ZNF618: variants seen among roughly 807,000 people sequenced by gnomAD.
The protein encoded by ZNF618 is zinc finger protein 618.
Under a neutral mutation model 103.0 loss-of-function variants are expected in ZNF618, and 34 were observed. The ratio of observed to expected loss-of-function variants is 0.33; its 90% CI spans 0.25 to 0.44. The LOEUF (loss-of-function observed/expected upper bound fraction) is 0.44. Ranked by LOEUF, ZNF618 falls within the 20% of genes least tolerant of loss-of-function variation. ZNF618 has a pLI of 1.00. For synonymous variants in ZNF618, 551 were observed against 542.2 expected, an observed-to-expected ratio of 1.02 and a Z score of -0.23; for missense variants, 1,059 against 1,295.4, an observed-to-expected ratio of 0.82 and a Z score of 2.80.
Position 114,049,225 on chromosome 9 carries a change from C to T in ZNF618, c.1923C>T (p.Asn641=). The change falls in exon 15 of 15, where the codon AAC becomes AAT. Residue 641 remains asparagine, a synonymous_variant. Coordinates refer to ENST00000374126, the MANE Select transcript of ZNF618 (RefSeq NM_001318042.2). ...MCLRCSACAL[N]SVVQSVLSKR... is the part of the protein sequence containing the mutation. Reference sequence around the variant, plus strand: ...TTCGCTGCTCAGCCTGTGCCTTGAACTCGGTGGTGCAGAGCGTGCTGAGCA... The same window carrying T: ...TTCGCTGCTCAGCCTGTGCCTTGAATTCGGTGGTGCAGAGCGTGCTGAGCA... 4 of 1,613,496 alleles carry T rather than the reference C, an allele frequency of 2.5e-6. No homozygotes were observed. The highest frequency in any genetic ancestry group is 3.4e-6 in the Non-Finnish European group (4 of 1,179,780).
At chr9:114,038,754 G>T (rs1010487730) in intron 13 of ZNF618, among the ~76,000 whole-genome samples, 2 of 152,132 alleles carry the variant, frequency 1.3e-5, no homozygotes, top group Admixed American at 6.5e-5. Flanking sequence ...AGAGCTTTAC[G>T]CAGGTTATTT....
At position 114,012,981 on chromosome 9, in the gene ZNF618, A is replaced by G. The variant is rs78358545; in HGVS notation, c.755-3714A>G. ...CCTACATAGATCTCAGTGACTTTTTAAAACTATAGGAAAAAAAAAAAACCT... is the reference window on the plus strand; with the variant it reads ...CCTACATAGATCTCAGTGACTTTTTGAAACTATAGGAAAAAAAAAAAACCT... On this transcript the variant is annotated intron_variant, in intron 9 of 14. Coordinates refer to ENST00000374126, the MANE Select transcript of ZNF618 (RefSeq NM_001318042.2). 7.6e-3 allele frequency among the ~76,000 whole-genome samples: 1,054 copies of G among 138,672 alleles called. 17 individuals carry two copies. Among genetic ancestry groups the G allele is most frequent in the African/African-American group, 0.025 (972 of 39,528 alleles). 91.0% of individuals were successfully genotyped at this position (138,672 alleles called of 152,430 possible). A position where few individuals can be genotyped will look rare whatever the true frequency, so the allele number is the denominator to read the frequency against.
chr9:114,004,735 T>C (rs935056159), intron 6 of ZNF618, among the ~76,000 whole-genome samples: 1 of 152,180 alleles, frequency 6.6e-6, no homozygotes, highest in African/African-American at 2.4e-5. Flanking sequence ...AGCCTGGCCA[T>C]GGAGTCATGG....
chr9:113,950,073 A>G (rs1835413323), intron 1 of ZNF618, among the ~76,000 whole-genome samples: 1 of 152,180 alleles, frequency 6.6e-6, no homozygotes, highest in Non-Finnish European at 1.5e-5. Context: ...ATATCCCTCA[A>G]TTCTAATTGT....
intron 1 of ZNF618, among the ~76,000 whole-genome samples, chr9:113,964,676 T>G (rs1215661341): frequency 6.6e-6 from 1 of 151,760 alleles, no homozygotes; most frequent in Non-Finnish European, 1.5e-5. Context: ...TAATGAAATT[T>G]CAACTTGTGA....
intron 1 of ZNF618, among the ~76,000 whole-genome samples, chr9:113,928,991 A>C (rs1460882624): frequency 6.6e-6 from 1 of 152,142 alleles, no homozygotes; most frequent in East Asian, 1.9e-4. Context: ...TTTCAAGGGC[A>C]GGCCTTTGCT....
intron 1 of ZNF618, among the ~76,000 whole-genome samples, chr9:113,954,473 T>G (rs532820816): frequency 6.6e-6 from 1 of 152,280 alleles, no homozygotes; most frequent in East Asian, 1.9e-4. Flanking sequence ...TTCCCAGACT[T>G]CCAGAGTTCT....
intron 14 of ZNF618, 63 bp downstream of exon 14, chr9:114,048,057 C>A: frequency 1.5e-6 from 2 of 1,342,878 alleles, no homozygotes; most frequent in Non-Finnish European, 2.1e-6. Context: ...TTCCTCTCTG[C>A]CCCCCATTCC....
At position 114,053,405 on chromosome 9, in the gene ZNF618, C is replaced by G. The variant is rs1362778843; in HGVS notation, c.*3238C>G. The G allele has an allele frequency of 6.6e-6, 1 of 152,294 alleles. No homozygotes were observed. The highest frequency in any genetic ancestry group is 1.5e-5 in the Non-Finnish European group (1 of 68,092). The allele number at this position is 152,294 out of a possible 1,614,324, so 9.4% of individuals were successfully genotyped here. The stretch of plus-strand genomic sequence containing the variant: ...GGGATCTGGGACCAGGAATTTGGGC[C>G]GTTTCTACCATATTCTCAGCAGCCT... On this transcript the variant is annotated 3_prime_UTR_variant, in exon 15 of 15. Coordinates refer to ENST00000374126, the MANE Select transcript of ZNF618 (RefSeq NM_001318042.2).
chr9:114,006,683 C>T (rs1304442269), intron 6 of ZNF618, among the ~76,000 whole-genome samples: 2 of 152,158 alleles, frequency 1.3e-5, no homozygotes, highest in Non-Finnish European at 2.9e-5. Flanking sequence ...TTTGCTGGGT[C>T]CTTTGGCGCT....
At chr9:113,956,036 C>G (rs954164195) in intron 1 of ZNF618, among the ~76,000 whole-genome samples, 6 of 151,484 alleles carry the variant, frequency 4.0e-5, no homozygotes, top group Non-Finnish European at 7.4e-5. Flanking sequence ...ATGGTGAAAC[C>G]CCATCTCTAC....
chr9:114,051,929 T>C lies in ZNF618; in HGVS notation c.*1762T>C, dbSNP rs1846164570. On this transcript the variant is annotated 3_prime_UTR_variant, in exon 15 of 15. Coordinates refer to ENST00000374126, the MANE Select transcript of ZNF618 (RefSeq NM_001318042.2). The stretch of plus-strand genomic sequence containing the variant: ...GGTGGTCTCACTCCCCTGGTGACCC[T>C]TAGCCGTGGGATGGGGTGGTTACAC... 1 of 152,326 alleles carries C rather than the reference T, an allele frequency of 6.6e-6. No individual in the cohort carries two copies. The highest frequency in any genetic ancestry group is 1.5e-5 in the Non-Finnish European group (1 of 68,040). 9.4% of individuals were successfully genotyped at this position (152,326 alleles called of 1,614,324 possible). A position where few individuals can be genotyped will look rare whatever the true frequency, so the allele number is the denominator to read the frequency against.
At position 114,048,877 on chromosome 9, in the gene ZNF618, C is replaced by T. The variant is rs1188484929; in HGVS notation, c.1575C>T (p.His525=). Residue 525 remains histidine (H), a synonymous_variant, in exon 15 of 15, where the codon CAC becomes CAT. Coordinates refer to ENST00000374126, the MANE Select transcript of ZNF618 (RefSeq NM_001318042.2). ...LGNFNTLALK[H]LPRMYNQVKV... Reference sequence around the variant, plus strand: ...ACTTCAACACGCTGGCGCTGAAGCACCTGCCACGCATGTACAACCAGGTGA... The same window carrying T: ...ACTTCAACACGCTGGCGCTGAAGCATCTGCCACGCATGTACAACCAGGTGA... 8 of 1,608,284 alleles carry T rather than the reference C, an allele frequency of 5.0e-6. No individual in the cohort carries two copies. Among genetic ancestry groups the T allele is most frequent in the African/African-American group, 1.3e-5 (1 of 74,930 alleles).
At chr9:114,026,281 G>A (rs896480134) in intron 10 of ZNF618, among the ~76,000 whole-genome samples, 1 of 152,236 alleles carries the variant, frequency 6.6e-6, no homozygotes, top group Non-Finnish European at 1.5e-5. Flanking sequence ...GGAAGCTGGA[G>A]AGGGGAGCGG....
chr9:113,876,363 C>T lies in ZNF618; in HGVS notation c.-18C>T, dbSNP rs1027918082. ...GAGGAGCAGGACGCGCCGGGGCCGC[C>T]TCCTCCCGCACGGACCCATGAACCA... is the stretch of plus-strand genomic sequence containing the variant. On this transcript the variant is annotated 5_prime_UTR_variant, in exon 1 of 15. Coordinates refer to ENST00000374126, the MANE Select transcript of ZNF618 (RefSeq NM_001318042.2). 6 of 1,195,004 alleles carry T rather than the reference C, an allele frequency of 5.0e-6. No homozygotes were observed. The highest frequency in any genetic ancestry group is 1.6e-5 in the African/African-American group (1 of 62,308). 74.0% of individuals were successfully genotyped at this position (1,195,004 alleles called of 1,614,324 possible). A position where few individuals can be genotyped will look rare whatever the true frequency, so the allele number is the denominator to read the frequency against.
chr9:114,035,750 C>T (rs1844534043), intron 12 of ZNF618, among the ~76,000 whole-genome samples: 1 of 152,092 alleles, frequency 6.6e-6, no homozygotes, highest in South Asian at 2.1e-4. Context: ...CTCCTCCCTC[C>T]CTCTCCTCCC....
chr9:113,920,317 G>T (rs915690228), intron 1 of ZNF618, among the ~76,000 whole-genome samples: 1 of 152,118 alleles, frequency 6.6e-6, no homozygotes, highest in African/African-American at 2.4e-5. Context: ...CCTGCGGGGT[G>T]CAGTCCATGT....
In ZNF618 at chr9:114,007,419, G is replaced by T; in HGVS notation, c.620G>T (p.Arg207Leu). The T allele has an allele frequency of 1.2e-6, 2 of 1,613,522 alleles. No homozygotes were observed. The highest frequency in any genetic ancestry group is 1.7e-6 in the Non-Finnish European group (2 of 1,179,834). The change falls in exon 7 of 15, where the codon CGA becomes CTA. Residue 207 changes from arginine to leucine, a missense_variant. Physicochemically the swap from Arg to Leu is moderately radical, Grantham distance 102. Around this residue, in one of 6 missense-constraint regions of ZNF618, gnomAD observed 434 missense variants for 476.0 expected, o/e 0.91. Transcript: ENST00000374126. ...TACTACAGCTGTTTCCAAGAGCACC[G>T]AGACCTGCACGCAGTGGATGGTGAG... is the stretch of plus-strand genomic sequence containing the variant. ...YKYYSCFQEH[R>L]DLHAVDVFSV...
intron 1 of ZNF618, among the ~76,000 whole-genome samples, chr9:113,954,626 T>A (rs1836084388): frequency 6.6e-6 from 1 of 152,202 alleles, no homozygotes; most frequent in Admixed American, 6.5e-5. Flanking sequence ...CAGGGCAGTG[T>A]CTTCAGGTGG....
Sources: allele counts gnomAD v4.1 joint callset (sites outside exome capture counted in the v4.1 genomes callset), GRCh38; gene constraint gnomAD v4.1.1; regional missense constraint gnomAD v4.1.1; transcripts MANE v1.5; gene names NCBI Gene and HGNC (gene_info 2026-07-23, HGNC 2026-07-21).